Variants in COPG2 observed in about 807,000 individuals in gnomAD.
COPG2 encodes coat protein complex I subunit gamma 2, also known as coatomer subunit gamma-2.
COPG2 carries 37 observed loss-of-function variants against 46.3 expected under a neutral mutation model. The observed-to-expected ratio is 0.80, with a 90% CI of 0.61 to 1.05. The LOEUF is 1.05. Among genes scored for constraint, COPG2 ranks in the 50% least tolerant of loss-of-function variants. The probability of loss-of-function intolerance (pLI) is 0.00; values close to 1 mark genes in which losing one functional copy is unlikely to be tolerated. For missense variants in COPG2, 427 were observed against 387.8 expected (o/e 1.10, Z -0.85); for synonymous variants, 159 against 129.7 (o/e 1.23, Z -1.53).
At chr7:130,518,802 G>A (rs1380472175) in intron 20 of COPG2, among the ~76,000 whole-genome samples, 10 of 152,028 alleles carry the variant, frequency 6.6e-5, no homozygotes, top group South Asian at 4.1e-4. Context: ...TCAGGAGTTC[G>A]AGACCAGCCT....
At chr7:130,553,959 T>C (rs937426190) in intron 14 of COPG2, among the ~76,000 whole-genome samples, 1 of 152,252 alleles carries the variant, frequency 6.6e-6, no homozygotes, top group East Asian at 1.9e-4. Flanking sequence ...TACTTGAGGA[T>C]TTTTAAGGGA....
intron 9 of COPG2, among the ~76,000 whole-genome samples, chr7:130,594,844 A>G (rs1794496919): frequency 1.3e-5 from 2 of 152,222 alleles, no homozygotes; most frequent in Admixed American, 6.5e-5. Flanking sequence ...GGGTGGGTAT[A>G]ATAAAAAAGA....
At chr7:130,650,040 T>C (rs1795705850) in intron 5 of COPG2, among the ~76,000 whole-genome samples, 2 of 152,210 alleles carry the variant, frequency 1.3e-5, no homozygotes, top group Admixed American at 1.3e-4. Flanking sequence ...GGTGAATCCT[T>C]GCTTTTTCCA....
intron 5 of COPG2, among the ~76,000 whole-genome samples, chr7:130,647,552 CTT>C (rs1436318791): frequency 1.3e-5 from 2 of 151,918 alleles, no homozygotes; most frequent in Non-Finnish European, 2.9e-5. Context: ...ATATAATTAA[CTT>C]TATAAGAAAC....
In COPG2 at chr7:130,564,293, A is replaced by C; in HGVS notation, c.838T>G (p.Cys280Gly). Residue 280 changes from cysteine (C) to glycine (G), a missense_variant, in exon 10 of 24, where the codon TGC (cysteine) becomes GGC (glycine). Transcript: ENST00000425248. ...GCAGGTGCCAACTCTCTTGCAGTGC[A>C]GTTAGGAAGATGGATGATAGCTGAA... is the stretch of plus-strand genomic sequence containing the variant. ...AASAIIHLPN[C>G]TARELAPAVS... 1 of 398,624 alleles carries C rather than the reference A, an allele frequency of 2.5e-6. No homozygotes were observed. Among genetic ancestry groups the C allele is most frequent in the Non-Finnish European group, 4.4e-6 (1 of 226,060 alleles). The allele number at this position is 398,624 out of a possible 1,614,324, so 24.7% of individuals were successfully genotyped here.
rs1284845804 is a variant in COPG2, at chr7:130,668,376, AAG to A, written c.37+254_37+255del. On this transcript the variant is annotated intron_variant, in intron 1 of 23. Transcript: ENST00000425248. ...AGGCGGCTCGGAGGGGCTGCGCCGC[AAG>A]AGGGGCGGGAACGGGGCGCGCGCGG... is the stretch of plus-strand genomic sequence containing the variant. 5.1e-3 allele frequency among the ~76,000 whole-genome samples: 760 copies of A among 149,342 alleles called. 4 individuals are homozygous for A. Among genetic ancestry groups the A allele is most frequent in the African/African-American group, 0.018 (721 of 41,006 alleles).
chr7:130,546,113 T>C (rs1194678639), intron 20 of COPG2, among the ~76,000 whole-genome samples: 3 of 152,100 alleles, frequency 2.0e-5, no homozygotes, highest in African/African-American at 4.8e-5. Context: ...GGCAAAGTAA[T>C]AGCATCCCTT....
At chr7:130,538,409 G>A (rs980573215) in intron 20 of COPG2, among the ~76,000 whole-genome samples, 34 of 152,180 alleles carry the variant, frequency 2.2e-4, no homozygotes, top group African/African-American at 8.2e-4. Context: ...TACAGGGTCC[G>A]ATGCAGAAAA....
At chr7:130,589,391 C>A (rs1452300473) in intron 9 of COPG2, among the ~76,000 whole-genome samples, 6 of 151,732 alleles carry the variant, frequency 4.0e-5, no homozygotes, top group African/African-American at 1.5e-4. Flanking sequence ...TTCTGTGATC[C>A]TCCCACCTTA....
intron 20 of COPG2, among the ~76,000 whole-genome samples, chr7:130,522,260 T>C (rs1167439359): frequency 1.3e-5 from 2 of 151,926 alleles, no homozygotes; most frequent in African/African-American, 4.8e-5. Context: ...TCCTGAATAA[T>C]AATGAAAAGA....
chr7:130,662,324 T>C (rs1461613180), intron 4 of COPG2, among the ~76,000 whole-genome samples: 1 of 152,182 alleles, frequency 6.6e-6, no homozygotes, highest in Non-Finnish European at 1.5e-5. Flanking sequence ...TGTGATGATA[T>C]GCAATACATA....
rs35878935 is a variant in COPG2, at chr7:130,647,730, A to AT, written c.323+5138dup. The stretch of plus-strand genomic sequence containing the variant: ...AGTGGGTATGCTGTACCTCATTAAG[A>AT]TTTTTTTTTTTTTTTTTCGAGACGA... On this transcript the variant is annotated intron_variant, in intron 5 of 23. Coordinates refer to ENST00000425248, the MANE Select transcript of COPG2 (RefSeq NM_012133.6). Among the ~76,000 whole-genome samples, 1,186 of 131,794 alleles carry AT rather than the reference A, an allele frequency of 9.0e-3. 6 individuals carry two copies. Among genetic ancestry groups the AT allele is most frequent in the Non-Finnish European group, 0.01 (636 of 61,448 alleles). The allele number at this position is 131,794 out of a possible 152,430, so 86.5% of individuals were successfully genotyped here.
chr7:130,657,571 G>C lies in COPG2; in HGVS notation c.244-4623C>G, dbSNP rs1456658821. 2.0e-5 allele frequency among the ~76,000 whole-genome samples: 3 copies of C among 152,202 alleles called. No homozygotes were observed. The East Asian group carries it at 5.8e-4, about 29-fold the overall frequency. ...TCAAAATTTAAAACTTCTGCCCTTT[G>C]AAAGACTTTAACAAAATAAAAACAT... On this transcript the variant is annotated intron_variant, in intron 4 of 23. Transcript: ENST00000425248.
At chr7:130,556,507 TAGAAAATGAA>T (rs1296281862) in intron 12 of COPG2, among the ~76,000 whole-genome samples, 45 of 152,220 alleles carry the variant, frequency 3.0e-4, no homozygotes, top group African/African-American at 9.2e-4. Context: ...TTTCAGAGCA[TAGAAAATGAA>T]AGAAAATCTC....
At chr7:130,513,379 G>GTGTGTGTGTGTATATATATATATATATA (rs1563034224) in intron 20 of COPG2, among the ~76,000 whole-genome samples, 1 of 91,566 alleles carries the variant, frequency 1.1e-5, no homozygotes, top group African/African-American at 3.7e-5. Flanking sequence ...ATATATATGT[G>GTGTGTGTGTGTATATATATATATATATA]TGTGTGTGTG....
chr7:130,631,944 T>C (rs766059361), intron 5 of COPG2, among the ~76,000 whole-genome samples: 1 of 152,250 alleles, frequency 6.6e-6, no homozygotes, highest in Non-Finnish European at 1.5e-5. Flanking sequence ...CAGCGGTTTT[T>C]AAGTCTGAAA....
chr7:130,507,215 A>C, intron 23 of COPG2, 59 bp downstream of exon 23: 1 of 777,328 alleles, frequency 1.3e-6, no homozygotes, highest in South Asian at 1.4e-5. Context: ...ATGCCCATCT[A>C]TATCCTATTA....
intron 7 of COPG2, among the ~76,000 whole-genome samples, chr7:130,612,957 A>T (rs1343635858): frequency 6.6e-6 from 1 of 152,124 alleles, no homozygotes; most frequent in Non-Finnish European, 1.5e-5. Context: ...CATACCCCAC[A>T]CTTACCCCTC....
At chr7:130,572,529 C>A (rs1426002224) in intron 9 of COPG2, among the ~76,000 whole-genome samples, 1 of 152,060 alleles carries the variant, frequency 6.6e-6, no homozygotes, top group Non-Finnish European at 1.5e-5. Flanking sequence ...TCAACCAGAA[C>A]TGAATTAAAT....
Sources: gnomAD v4.1 joint callset for allele counts (sites outside exome capture counted in the v4.1 genomes callset) on GRCh38, gnomAD v4.1.1 for gene constraint, MANE v1.5 for transcripts, NCBI Gene and HGNC (gene_info 2026-07-23, HGNC 2026-07-21) for gene names.